CPZ: variants seen among roughly 807,000 people sequenced by gnomAD.
The protein encoded by CPZ is VEZT/CPZ fusion.
In CPZ, 103 loss-of-function variants were observed where a neutral mutation model predicts 61.8. That is an observed-to-expected ratio of 1.67 (90% confidence interval 1.42 to 1.96). The LOEUF is 1.96. CPZ is among the 30% of genes most tolerant of loss of function. The probability of loss-of-function intolerance (pLI) is 0.00; values close to 1 mark genes in which losing one functional copy is unlikely to be tolerated. For synonymous variants in CPZ, 551 were observed against 373.7 expected (o/e 1.47, Z -5.47); for missense variants, 1,461 against 914.9 (o/e 1.60, Z -7.70).
intron 9 of CPZ, among the ~76,000 whole-genome samples, chr4:8,615,155 G>A (rs1421726193): frequency 2.0e-5 from 3 of 152,056 alleles, no homozygotes; most frequent in African/African-American, 7.3e-5. Context: ...CCTGACTGAG[G>A]GGTGACTACT....
At position 8,606,898 on chromosome 4, in the gene CPZ, G is replaced by A; in HGVS notation, c.1068G>A (p.Lys356=). Residue 356 remains lysine (K), a splice_region_variant and synonymous_variant, in exon 6 of 11, where the codon AAG becomes AAA. Transcript: ENST00000360986. ...IPIPQHYWWG[K]VAPETKAIMK... ...TCCCCCAGCACTACTGGTGGGGTAA[G>A]GTAGGAGCCGCCGCTGCCCATGCTG... is the stretch of plus-strand genomic sequence containing the variant. The A allele has an allele frequency of 6.2e-7, 1 of 1,604,384 alleles. No individual in the cohort carries two copies. Among genetic ancestry groups the A allele is most frequent in the Non-Finnish European group, 8.5e-7 (1 of 1,175,818 alleles).
At chr4:8,618,712 T>G (rs1198046717) in intron 10 of CPZ, among the ~76,000 whole-genome samples, 184 bp downstream of exon 10, 1 of 152,098 alleles carries the variant, frequency 6.6e-6, no homozygotes, top group Admixed American at 6.5e-5. Context: ...CTTACAGCAT[T>G]TGGTGAGGGA....
At chr4:8,616,616 CGGTGAGGGGCT>C (rs1487545661) in intron 9 of CPZ, among the ~76,000 whole-genome samples, 2 of 152,092 alleles carry the variant, frequency 1.3e-5, no homozygotes, top group Middle Eastern at 3.4e-3. Flanking sequence ...GGAATCGGCC[CGGTGAGGGGCT>C]GGTGAGGGTA....
intron 9 of CPZ, among the ~76,000 whole-genome samples, chr4:8,616,013 G>A (rs139807987): frequency 5.3e-5 from 8 of 152,328 alleles, no homozygotes; most frequent in Non-Finnish European, 1.2e-4. Context: ...GCATTTTGCG[G>A]CTGTCTGATG....
intron 5 of CPZ, among the ~76,000 whole-genome samples, 192 bp downstream of exon 5, chr4:8,606,377 A>C (rs1173627859): frequency 6.6e-6 from 1 of 152,162 alleles, no homozygotes; most frequent in African/African-American, 2.4e-5. Context: ...ATTCTAGGTG[A>C]ATTAAAAAGG....
chr4:8,600,283 TGTG>T (rs915503154), intron 2 of CPZ, among the ~76,000 whole-genome samples: 7 of 152,130 alleles, frequency 4.6e-5, no homozygotes, highest in African/African-American at 1.7e-4. Context: ...GGCTGTAAAA[TGTG>T]GTGAGCAGGG....
chr4:8,599,410 A>G (rs1714408908), intron 1 of CPZ, 43 bp from the exon 2 acceptor site: 3 of 1,564,796 alleles, frequency 1.9e-6, no homozygotes, highest in Non-Finnish European at 2.6e-6. Flanking sequence ...TGAGTGAAGG[A>G]TGGCGAGGCA....
chr4:8,609,217 C>CACTCACTCCCTCACTCACTTACTCCTTG (rs1553877680), intron 7 of CPZ, among the ~76,000 whole-genome samples: 1 of 138,162 alleles, frequency 7.2e-6, no homozygotes, highest in African/African-American at 2.6e-5. Flanking sequence ...CTTACTCATT[C>CACTCACTCCCTCACTCACTTACTCCTTG]ACTTACTCAC....
At chr4:8,608,321 C>T (rs913835010) in intron 7 of CPZ, among the ~76,000 whole-genome samples, 1 of 152,296 alleles carries the variant, frequency 6.6e-6, no homozygotes, top group African/African-American at 2.4e-5. Flanking sequence ...CTGCACTTTC[C>T]CTTGGTGTTT....
chr4:8,615,144 T>A (rs73800333), intron 9 of CPZ, among the ~76,000 whole-genome samples: 1,962 of 151,858 alleles, frequency 0.013, 39 homozygotes, highest in African/African-American at 0.045. Flanking sequence ...GGGCAGGGCG[T>A]CCTGACTGAG....
chr4:8,597,502 C>G (rs1343026002), intron 1 of CPZ: 1 of 152,260 alleles, frequency 6.6e-6, no homozygotes, highest in Non-Finnish European at 1.5e-5. Flanking sequence ...GACAGTCTCA[C>G]GCCCACAGGC....
intron 1 of CPZ, among the ~76,000 whole-genome samples, chr4:8,595,663 T>C (rs1267035349): frequency 6.6e-6 from 1 of 152,212 alleles, no homozygotes. Flanking sequence ...CACTGGGGCT[T>C]GCTGATTGTT....
intron 7 of CPZ, among the ~76,000 whole-genome samples, chr4:8,610,768 T>G (rs115652706): frequency 9.7e-4 from 147 of 152,306 alleles, no homozygotes; most frequent in African/African-American, 3.2e-3. Context: ...TAGTGGTCCA[T>G]GGTCTGCCAC....
chr4:8,594,858 C>T (rs1349429620), intron 1 of CPZ, among the ~76,000 whole-genome samples: 4 of 151,956 alleles, frequency 2.6e-5, no homozygotes, highest in African/African-American at 9.7e-5. Flanking sequence ...CTGCGAGCTC[C>T]ACCTCCCGGG....
intron 6 of CPZ, 50 bp from the exon 7 acceptor site, chr4:8,607,217 G>A: frequency 6.3e-7 from 1 of 1,592,436 alleles, no homozygotes; most frequent in Non-Finnish European, 8.6e-7. Flanking sequence ...CATGGCTGCG[G>A]GCCAGTGGGA....
At chr4:8,615,817 CAAGT>C (rs1429465949) in intron 9 of CPZ, among the ~76,000 whole-genome samples, 1 of 152,190 alleles carries the variant, frequency 6.6e-6, no homozygotes, top group Non-Finnish European at 1.5e-5. Context: ...AACCTTCCTC[CAAGT>C]AAGAATCGAG....
rs558260023 is a variant in CPZ, at chr4:8,594,833, C to A, written c.88+1912C>A. On this transcript the variant is annotated intron_variant, in intron 1 of 10. Coordinates refer to ENST00000360986, the MANE Select transcript of CPZ (RefSeq NM_001014447.3). ...TGTCGCCCAGGCTGGAGTGCAGTTG[C>A]GCAATCTCAGCTCACTGCGAGCTCC... Among the ~76,000 whole-genome samples, 10 of 151,140 alleles carry A rather than the reference C, an allele frequency of 6.6e-5. No individual in the cohort carries two copies. The South Asian group carries it at 2.1e-3, about 32-fold the overall frequency.
intron 4 of CPZ, among the ~76,000 whole-genome samples, chr4:8,604,880 C>T (rs2109322002): frequency 6.6e-6 from 1 of 152,378 alleles, no homozygotes; most frequent in African/African-American, 2.4e-5. Context: ...AGTCTTCATC[C>T]TACTGGTCTG....
In CPZ at chr4:8,606,604, C is replaced by T. The variant is rs1238509980; in HGVS notation, c.907-133C>T. 4.9e-5 allele frequency: 57 copies of T among 1,160,978 alleles called. No individual in the cohort carries two copies. In the South Asian group the frequency reaches 7.6e-4, roughly 15 times the overall value. The allele number at this position is 1,160,978 out of a possible 1,614,324, so 71.9% of individuals were successfully genotyped here. A position where few individuals can be genotyped will look rare whatever the true frequency, so the allele number is the denominator to read the frequency against. ...AGGAGGCCAAGGGTCAGGCATGCCCCCGAGCTCATCACATAAAGCCGGGGG... is the reference window on the plus strand; with the variant it reads ...AGGAGGCCAAGGGTCAGGCATGCCCTCGAGCTCATCACATAAAGCCGGGGG... On this transcript the variant is annotated intron_variant, in intron 5 of 10. Transcript: ENST00000360986.
Sources: allele counts gnomAD v4.1 joint callset (sites outside exome capture counted in the v4.1 genomes callset), GRCh38; gene constraint gnomAD v4.1.1; transcripts MANE v1.5; gene names NCBI Gene and HGNC (gene_info 2026-07-23, HGNC 2026-07-21).